The following SORCS3 variants were observed in gnomAD, a reference collection of about 807,000 sequenced individuals.
SORCS3 encodes sortilin related VPS10 domain containing receptor 3.
A neutral mutation model predicts 146.3 loss-of-function variants in SORCS3; 57 were observed. That is an observed-to-expected ratio of 0.39 (90% CI 0.31 to 0.49). The LOEUF (loss-of-function observed/expected upper bound fraction) is 0.49. SORCS3 is among the 20% of genes least tolerant of loss of function. The pLI, the probability that SORCS3 is intolerant of heterozygous loss-of-function variation, is 0.92. For synonymous variants in SORCS3, 653 were observed against 618.5 expected, an observed-to-expected ratio of 1.06 and a Z score of -0.83; for missense variants, 1,341 against 1,575.5, an observed-to-expected ratio of 0.85 and a Z score of 2.52.
intron 1 of SORCS3, among the ~76,000 whole-genome samples, chr10:104,793,288 ACCTATAATTCAAT>A (rs1197387037): frequency 1.3e-5 from 2 of 152,190 alleles, no homozygotes; most frequent in Non-Finnish European, 2.9e-5. Flanking sequence ...TAACCCGTGA[ACCTATAATTCAAT>A]CCCAGGTCTG....
At chr10:105,149,331 A>G (rs2056152737) in intron 9 of SORCS3, among the ~76,000 whole-genome samples, 1 of 152,150 alleles carries the variant, frequency 6.6e-6, no homozygotes, top group South Asian at 2.1e-4. Context: ...AGAAAACAAA[A>G]TCGTAGAAAT....
At chr10:104,674,183 G>C (rs190505210) in intron 1 of SORCS3, among the ~76,000 whole-genome samples, 1 of 152,156 alleles carries the variant, frequency 6.6e-6, no homozygotes, top group Non-Finnish European at 1.5e-5. Flanking sequence ...AGTTTTGTCT[G>C]TTCTTGAAAA....
intron 2 of SORCS3, among the ~76,000 whole-genome samples, chr10:104,913,851 A>C (rs1366551947): frequency 6.8e-6 from 1 of 148,110 alleles, no homozygotes; most frequent in African/African-American, 2.5e-5. Flanking sequence ...GCTCACTGCA[A>C]CCTCTGCCTC....
chr10:104,642,022 G>GGGGGGGGGGGGGGGGGGGGCCC, intron 1 of SORCS3, 68 bp downstream of exon 1: 3 of 173,332 alleles, frequency 1.7e-5, no homozygotes, highest in African/African-American at 4.4e-5. Flanking sequence ...GGGTGGGTGG[G>GGGGGGGGGGGGGGGGGGGGCCC]AGCGAGGGAC....
intron 20 of SORCS3, among the ~76,000 whole-genome samples, chr10:105,240,954 A>G (rs2056818617): frequency 8.6e-6 from 1 of 116,354 alleles, no homozygotes; most frequent in African/African-American, 3.6e-5. Flanking sequence ...AAAAATATAT[A>G]TATATATATC....
chr10:105,008,604 A>G (rs961891552), intron 4 of SORCS3, among the ~76,000 whole-genome samples: 3 of 152,122 alleles, frequency 2.0e-5, no homozygotes, highest in African/African-American at 7.2e-5. Context: ...ACTATAATGA[A>G]AGGTAGTTTT....
At chr10:104,786,784 A>C (rs943278800) in intron 1 of SORCS3, among the ~76,000 whole-genome samples, 3 of 152,086 alleles carry the variant, frequency 2.0e-5, no homozygotes, top group African/African-American at 7.2e-5. Flanking sequence ...AGAATTGTGC[A>C]GGATCAGGCA....
At chr10:104,816,338 C>G (rs1483606188) in intron 1 of SORCS3, among the ~76,000 whole-genome samples, 1 of 152,070 alleles carries the variant, frequency 6.6e-6, no homozygotes, top group Non-Finnish European at 1.5e-5. Flanking sequence ...AGCAAGATGC[C>G]AGGCCTTTTT....
chr10:105,208,378 C>T (rs2056615152), intron 16 of SORCS3, among the ~76,000 whole-genome samples: 1 of 150,658 alleles, frequency 6.6e-6, no homozygotes, highest in African/African-American at 2.4e-5. Context: ...AATAAGAGAT[C>T]CAGTGGTGTA....
Position 105,084,298 on chromosome 10 carries a change from ACAATGCC to A in SORCS3, c.1029-5476_1029-5470del, listed in dbSNP as rs1373875949. ...AAGATAATGCTTATAAACACCAAAC[ACAATGCC>A]TGACACAGGAATGGTCTCAATACCC... On this transcript the variant is annotated intron_variant, in intron 5 of 26. Transcript: ENST00000369701. Among the ~76,000 whole-genome samples the A allele has an allele frequency of 3.6e-3, 556 of 152,330 alleles. 3 individuals are homozygous for A. The highest frequency in any genetic ancestry group is 8.9e-3 in the South Asian group (43 of 4,830).
At chr10:105,169,588 C>T (rs1247836479) in intron 13 of SORCS3, among the ~76,000 whole-genome samples, 2 of 152,020 alleles carry the variant, frequency 1.3e-5, no homozygotes, top group Non-Finnish European at 2.9e-5. Flanking sequence ...AGGGAGTGTT[C>T]AGGGTACTAT....
At chr10:105,246,346 T>TA (rs1319576746) in intron 21 of SORCS3, among the ~76,000 whole-genome samples, 1 of 152,156 alleles carries the variant, frequency 6.6e-6, no homozygotes, top group African/African-American at 2.4e-5. Context: ...TTTTCATTAC[T>TA]AGTTTGATTT....
intron 6 of SORCS3, among the ~76,000 whole-genome samples, chr10:105,096,368 G>A (rs2055746966): frequency 6.6e-6 from 1 of 152,128 alleles, no homozygotes; most frequent in Admixed American, 6.5e-5. Flanking sequence ...TTTCTGACAA[G>A]CTCTCAGCTG....
chr10:105,108,104 G>T (rs1324110712), intron 7 of SORCS3, among the ~76,000 whole-genome samples: 1 of 152,132 alleles, frequency 6.6e-6, no homozygotes, highest in African/African-American at 2.4e-5. Flanking sequence ...AAATAAATCA[G>T]GGACTGTGAA....
intron 3 of SORCS3, among the ~76,000 whole-genome samples, chr10:104,939,508 A>G (rs2019290624): frequency 2.1e-5 from 3 of 143,542 alleles, no homozygotes; most frequent in African/African-American, 8.5e-5. Flanking sequence ...GGCTCCTCTT[A>G]TGACAGTCCT....
chr10:105,096,651 A>G (rs2055748645), intron 6 of SORCS3, among the ~76,000 whole-genome samples: 1 of 152,176 alleles, frequency 6.6e-6, no homozygotes, highest in Admixed American at 6.5e-5. Context: ...GCCATAGCTA[A>G]GCCTCATCTT....
chr10:105,243,973 C>T (rs1214903412), intron 20 of SORCS3, among the ~76,000 whole-genome samples: 1 of 152,074 alleles, frequency 6.6e-6, no homozygotes, highest in Non-Finnish European at 1.5e-5. Context: ...CTGTCCTGCC[C>T]CTCTTAAAGG....
chr10:105,164,330 C>T lies in SORCS3; in HGVS notation c.1760C>T (p.Thr587Ile), dbSNP rs779322629. ...AACATTGGCCCGGAGCTCTCATATA[C>T]TGATATTGGTGTGTTCATCTCCTCC... ...TGNIGPELSY[T>I]DIGVFISSDG... The change falls in exon 12 of 27, where the codon ACT becomes ATT. Residue 587 changes from threonine to isoleucine, a missense_variant. Coordinates refer to ENST00000369701, the MANE Select transcript of SORCS3 (RefSeq NM_014978.3). The T allele has an allele frequency of 1.2e-6, 2 of 1,613,610 alleles. No individual in the cohort carries two copies. The highest frequency in any genetic ancestry group is 1.1e-5 in the South Asian group (1 of 91,070).
At chr10:104,829,864 CA>C (rs2133535977) in intron 1 of SORCS3, among the ~76,000 whole-genome samples, 1 of 152,186 alleles carries the variant, frequency 6.6e-6, no homozygotes, top group African/African-American at 2.4e-5. Flanking sequence ...CTGTGTCAGC[CA>C]GGGCCTCTAA....
Sources: gnomAD v4.1 joint callset for allele counts (sites outside exome capture counted in the v4.1 genomes callset) on GRCh38, gnomAD v4.1.1 for gene constraint, MANE v1.5 for transcripts, NCBI Gene and HGNC (gene_info 2026-07-23, HGNC 2026-07-21) for gene names.